Variants in SLC25A42 observed in about 807,000 individuals in gnomAD.
SLC25A42 encodes the protein mitochondrial coenzyme A transporter SLC25A42.
In SLC25A42, 19 loss-of-function variants were observed where a neutral mutation model predicts 34.7. The observed-to-expected ratio is 0.55, with a 90% confidence interval of 0.38 to 0.80. The LOEUF is 0.80. Among genes scored for constraint, SLC25A42 ranks in the 30% least tolerant of loss-of-function variants. The probability of loss-of-function intolerance (pLI) is 0.00; values close to 1 mark genes in which losing one functional copy is unlikely to be tolerated. For synonymous variants in SLC25A42, 205 were observed against 191.2 expected (o/e 1.07, Z -0.59); for missense variants, 364 against 441.3 (o/e 0.82, Z 1.57).
chr19:19,094,015 G>A (rs770172486), intron 1 of SLC25A42, among the ~76,000 whole-genome samples: 11 of 152,200 alleles, frequency 7.2e-5, no homozygotes, highest in Non-Finnish European at 1.0e-4. Flanking sequence ...ATGGATCTGG[G>A]GGAGGAAGAC....
chr19:19,096,123 G>C lies in SLC25A42; in HGVS notation c.-2G>C. The stretch of plus-strand genomic sequence containing the variant: ...TCTCCTGCCATTCCGAGCAGGCCTG[G>C]TATGGGTAATGGTGTGAAGGAAGGC... On this transcript the variant is annotated 5_prime_UTR_variant, in exon 2 of 8. Transcript: ENST00000318596. 1 of 1,613,998 alleles carries C rather than the reference G, an allele frequency of 6.2e-7. No homozygotes were observed. The highest frequency in any genetic ancestry group is 8.5e-7 in the Non-Finnish European group (1 of 1,179,970).
Position 19,104,953 on chromosome 19 carries a change from C to T in SLC25A42, c.213+15C>T. 6.2e-7 allele frequency: 1 copy of T among 1,614,138 alleles called. No homozygotes were observed. The highest frequency in any genetic ancestry group is 1.3e-5 in the African/African-American group (1 of 75,046). On this transcript the variant is annotated intron_variant, in intron 4 of 7. Transcript: ENST00000318596. ...TTTCTGCCAAGGTGAGCCACTATGT[C>T]ACCGCCCCGGCCTGGGGACAGTCAC...
Position 19,110,600 on chromosome 19 carries a change from C to A in SLC25A42, c.681C>A (p.Phe227Leu), listed in dbSNP as rs1230952932. 2.0e-6 allele frequency: 3 copies of A among 1,485,498 alleles called. No individual in the cohort carries two copies. The highest frequency in any genetic ancestry group is 4.7e-5 in the Admixed American group (2 of 42,938). 92.0% of individuals were successfully genotyped at this position (1,485,498 alleles called of 1,614,324 possible). Residue 227 changes from phenylalanine to leucine, a missense_variant, in exon 8 of 8, where the codon TTC (phenylalanine) becomes TTA (leucine). Physicochemically the swap from Phe to Leu is conservative, Grantham distance 22 (BLOSUM62 0). Coordinates refer to ENST00000318596, the MANE Select transcript of SLC25A42 (RefSeq NM_178526.5). The stretch of plus-strand genomic sequence containing the variant: ...GCGGCCGCCGGCAGCCCTACCCCTT[C>A]GAGCGCATGATCTTCGGCGCCTGCG... ...EYSGRRQPYP[F>L]ERMIFGACAG...
At chr19:19,083,451 T>C (rs1270050873) in intron 1 of SLC25A42, among the ~76,000 whole-genome samples, 1 of 152,250 alleles carries the variant, frequency 6.6e-6, no homozygotes, top group Non-Finnish European at 1.5e-5. Context: ...CCCATTATGG[T>C]GGTCCTTAAG....
intron 1 of SLC25A42, among the ~76,000 whole-genome samples, chr19:19,082,105 GT>G (rs1200670928): frequency 6.6e-6 from 1 of 152,162 alleles, no homozygotes; most frequent in Admixed American, 6.5e-5. Flanking sequence ...CTCTTCCCTT[GT>G]GACAGCCTGT....
intron 1 of SLC25A42, among the ~76,000 whole-genome samples, chr19:19,094,419 G>T (rs535417851): frequency 6.6e-6 from 1 of 152,000 alleles, no homozygotes; most frequent in African/African-American, 2.4e-5. Context: ...GGCCATCAAG[G>T]GTTCTTTCGG....
rs1031910762 is a variant in SLC25A42 at position 19,112,397 on chromosome 19, C to T, written c.*1521C>T. On this transcript the variant is annotated 3_prime_UTR_variant, in exon 8 of 8. Transcript: ENST00000318596. The surrounding 1 kb of genome is among the most constrained non-coding windows in gnomAD (Gnocchi z 4.3). ...TCTTGTCCCCAGAGGCCCAGGCAGC[C>T]TGTGATGGCTGTGAGGGGCTGTCCC... 6 of 152,432 alleles carry T rather than the reference C, an allele frequency of 3.9e-5. No homozygotes were observed. The highest frequency in any genetic ancestry group is 1.4e-4 in the African/African-American group (6 of 41,480). 9.4% of individuals were successfully genotyped at this position (152,432 alleles called of 1,614,324 possible). A position where few individuals can be genotyped will look rare whatever the true frequency, so the allele number is the denominator to read the frequency against.
chr19:19,112,551 G>C lies in SLC25A42; in HGVS notation c.*1675G>C, dbSNP rs983356384. On this transcript the variant is annotated 3_prime_UTR_variant, in exon 8 of 8. Transcript: ENST00000318596. This position sits in a 1 kb window ranked among gnomAD's most constrained non-coding sequence, Gnocchi z 4.3. Reference sequence around the variant, plus strand: ...CAGTAGGAATTGGGGGTCTGCCCCAGGTGGGTGAGACCAAATGAGTGGATT... The same window carrying C: ...CAGTAGGAATTGGGGGTCTGCCCCACGTGGGTGAGACCAAATGAGTGGATT... The C allele has an allele frequency of 2.0e-5, 3 of 152,332 alleles. No individual in the cohort carries two copies. Among genetic ancestry groups the C allele is most frequent in the African/African-American group, 7.2e-5 (3 of 41,472 alleles). The allele number at this position is 152,332 out of a possible 1,614,324, so 9.4% of individuals were successfully genotyped here.
At chr19:19,084,548 G>C (rs890740869) in intron 1 of SLC25A42, among the ~76,000 whole-genome samples, 3 of 152,182 alleles carry the variant, frequency 2.0e-5, no homozygotes, top group Non-Finnish European at 2.9e-5. Context: ...AGAGACAGCC[G>C]TCCCTGTGGA....
intron 5 of SLC25A42, 169 bp from the exon 6 acceptor site, chr19:19,106,100 C>T: frequency 1.6e-6 from 1 of 614,534 alleles, no homozygotes; most frequent in East Asian, 2.8e-5. Context: ...ATGAGGCCCA[C>T]TCCAGAGACC....
At chr19:19,110,490 G>T (rs941730613) in intron 7 of SLC25A42, 79 bp from the exon 8 acceptor site, 30 of 1,265,776 alleles carry the variant, frequency 2.4e-5, no homozygotes, top group Admixed American at 3.8e-5. Flanking sequence ...GCTCCTAGGG[G>T]TGCAAAGGCG....
chr19:19,065,091 G>A (rs1282352186), intron 1 of SLC25A42, among the ~76,000 whole-genome samples: 1 of 152,176 alleles, frequency 6.6e-6, no homozygotes, highest in Admixed American at 6.5e-5. Context: ...GTTTATCTCA[G>A]AGGGATTGGC....
intron 1 of SLC25A42, among the ~76,000 whole-genome samples, chr19:19,091,582 A>G (rs1287617739): frequency 6.6e-6 from 1 of 152,012 alleles, no homozygotes; most frequent in Non-Finnish European, 1.5e-5. Flanking sequence ...CAGTGGAAAC[A>G]GAAGAATGTT....
chr19:19,069,628 C>T (rs1261796465), intron 1 of SLC25A42, among the ~76,000 whole-genome samples: 2 of 152,172 alleles, frequency 1.3e-5, no homozygotes, highest in East Asian at 3.9e-4. Flanking sequence ...TGGCTTTCTC[C>T]CTGTTGTGTG....
rs181360020 is a variant in SLC25A42, at chr19:19,066,325, C to T, written c.-35+2210C>T. Among the ~76,000 whole-genome samples, 24 of 152,150 alleles carry T rather than the reference C, an allele frequency of 1.6e-4. No homozygotes were observed. In the East Asian group the frequency reaches 4.2e-3, roughly 27 times the overall value. On this transcript the variant is annotated intron_variant, in intron 1 of 7. Coordinates refer to ENST00000318596, the MANE Select transcript of SLC25A42 (RefSeq NM_178526.5). Reference sequence around the variant, plus strand: ...TATGACTGGGGTGGCAGAAAGGGGTCGGGGGAGGTATATATCCCCCACCCC... The same window carrying T: ...TATGACTGGGGTGGCAGAAAGGGGTTGGGGGAGGTATATATCCCCCACCCC...
rs1480046271 is a variant in SLC25A42 at position 19,099,535 on chromosome 19, G to A, written c.82-2246G>A. Reference sequence around the variant, plus strand: ...GAGCTGGGATTCAGGCCAAGTGTGTGGACAGACTCAGGCCCAGCCCTTTAC... The same window carrying A: ...GAGCTGGGATTCAGGCCAAGTGTGTAGACAGACTCAGGCCCAGCCCTTTAC... On this transcript the variant is annotated intron_variant, in intron 2 of 7. Coordinates refer to ENST00000318596, the MANE Select transcript of SLC25A42 (RefSeq NM_178526.5). Among the ~76,000 whole-genome samples the A allele has an allele frequency of 2.0e-5, 3 of 152,062 alleles. No individual in the cohort carries two copies. In the East Asian group the frequency reaches 5.8e-4, roughly 29 times the overall value.
intron 3 of SLC25A42, among the ~76,000 whole-genome samples, chr19:19,102,112 C>G (rs2059800620): frequency 6.6e-6 from 1 of 151,962 alleles, no homozygotes; most frequent in East Asian, 1.9e-4. Flanking sequence ...GGGTTCACGC[C>G]ATTCTCCTGC....
chr19:19,073,295 A>C (rs2059639726), intron 1 of SLC25A42, among the ~76,000 whole-genome samples: 1 of 152,068 alleles, frequency 6.6e-6, no homozygotes, highest in Admixed American at 6.6e-5. Context: ...CCTTCCAGGG[A>C]CCCCCAGCCT....
At chr19:19,090,449 TCCC>T (rs1568515455) in intron 1 of SLC25A42, among the ~76,000 whole-genome samples, 1 of 151,878 alleles carries the variant, frequency 6.6e-6, no homozygotes, top group African/African-American at 2.4e-5. Flanking sequence ...AACAAAGACC[TCCC>T]CCCAAAACAG....
Sources: gnomAD v4.1 joint callset for allele counts (sites outside exome capture counted in the v4.1 genomes callset) on GRCh38, gnomAD v4.1.1 for gene constraint, Gnocchi (gnomAD v3.1) non-coding constraint, MANE v1.5 for transcripts, NCBI Gene and HGNC (gene_info 2026-07-23, HGNC 2026-07-21) for gene names.